Variants in GRHL2 observed in about 807,000 individuals in gnomAD.
GRHL2 encodes grainyhead-like protein 2 homolog.
A neutral mutation model predicts 83.8 loss-of-function variants in GRHL2; 21 were observed. The ratio of observed to expected loss-of-function variants is 0.25; its 90% CI spans 0.18 to 0.36. The LOEUF is 0.36. GRHL2 is among the 10% of genes least tolerant of loss of function. The pLI, the probability that GRHL2 is intolerant of heterozygous loss-of-function variation, is 1.00. For missense variants in GRHL2, 623 were observed against 781.8 expected (o/e 0.80, Z 2.42); for synonymous variants, 280 against 278.9 (o/e 1.00, Z -0.04).
At chr8:101,602,750 G>C (rs1429580584) in intron 8 of GRHL2, among the ~76,000 whole-genome samples, 1 of 152,174 alleles carries the variant, frequency 6.6e-6, no homozygotes, top group Admixed American at 6.5e-5. Flanking sequence ...TCCCTACCTA[G>C]CTTTGGCGAA....
chr8:101,652,129 A>C (rs2129704555), intron 14 of GRHL2, among the ~76,000 whole-genome samples: 1 of 152,242 alleles, frequency 6.6e-6, no homozygotes, highest in South Asian at 2.1e-4. Flanking sequence ...GGGTGGGGTA[A>C]GAAAGGGTTT....
chr8:101,622,670 T>C (rs574091475), intron 9 of GRHL2, among the ~76,000 whole-genome samples: 3 of 152,256 alleles, frequency 2.0e-5, no homozygotes, highest in Admixed American at 6.5e-5. Flanking sequence ...CAGTTCACTA[T>C]TGCCCAACAC....
intron 14 of GRHL2, among the ~76,000 whole-genome samples, 199 bp from the exon 15 acceptor site, chr8:101,664,255 G>A (rs1813993631): frequency 1.3e-5 from 2 of 152,170 alleles, no homozygotes; most frequent in Non-Finnish European, 2.9e-5. Context: ...ATTCCCATGA[G>A]GCTGGGTTTT....
At chr8:101,493,315 G>T (rs1159985665) in intron 1 of GRHL2, among the ~76,000 whole-genome samples, 1 of 152,176 alleles carries the variant, frequency 6.6e-6, no homozygotes, top group African/African-American at 2.4e-5. Flanking sequence ...GCAGGAGGGT[G>T]GGCGTGAGTG....
chr8:101,606,017 C>A (rs1355756583), intron 8 of GRHL2, among the ~76,000 whole-genome samples: 1 of 152,064 alleles, frequency 6.6e-6, no homozygotes, highest in African/African-American at 2.4e-5. Flanking sequence ...ATTCCTTGTT[C>A]TTTTTTTGAA....
chr8:101,538,065 T>A (rs997526465), intron 1 of GRHL2, among the ~76,000 whole-genome samples: 1 of 152,104 alleles, frequency 6.6e-6, no homozygotes, highest in Admixed American at 6.6e-5. Flanking sequence ...TAGAACGGGG[T>A]TTCCCATGAA....
At chr8:101,496,324 ACT>A (rs1366390341) in intron 1 of GRHL2, among the ~76,000 whole-genome samples, 9 of 151,900 alleles carry the variant, frequency 5.9e-5, no homozygotes, top group African/African-American at 2.2e-4. Flanking sequence ...TAATGGGATG[ACT>A]CTACATTTTA....
intron 9 of GRHL2, among the ~76,000 whole-genome samples, chr8:101,622,291 T>C (rs1812981660): frequency 6.6e-6 from 1 of 152,154 alleles, no homozygotes; most frequent in African/African-American, 2.4e-5. Context: ...CTTTGAAGTA[T>C]AAAGACTGCA....
chr8:101,580,011 G>A (rs1812017670), intron 7 of GRHL2, among the ~76,000 whole-genome samples: 1 of 152,138 alleles, frequency 6.6e-6, no homozygotes, highest in Non-Finnish European at 1.5e-5. Context: ...AAACCCCCGT[G>A]AAACTGGAGG....
chr8:101,558,294 C>A, intron 3 of GRHL2, 125 bp from the exon 4 acceptor site: 2 of 1,149,978 alleles, frequency 1.7e-6, no homozygotes, highest in Non-Finnish European at 2.6e-6. Context: ...GTGAAGTTTG[C>A]CAGCCCCCTG....
chr8:101,550,131 A>AT (rs535693192), intron 2 of GRHL2, among the ~76,000 whole-genome samples: 136 of 147,334 alleles, frequency 9.2e-4, no homozygotes, highest in African/African-American at 2.2e-3. Context: ...ATTTATTTTT[A>AT]TTTTTTTTAA....
intron 7 of GRHL2, among the ~76,000 whole-genome samples, chr8:101,589,284 T>G (rs542176322): frequency 6.6e-6 from 1 of 152,314 alleles, no homozygotes; most frequent in East Asian, 1.9e-4. Flanking sequence ...AGAGACAAAA[T>G]GGTTATAGTT....
chr8:101,523,462 T>C (rs1810733574), intron 1 of GRHL2, among the ~76,000 whole-genome samples: 1 of 129,920 alleles, frequency 7.7e-6, no homozygotes, highest in Admixed American at 9.0e-5. Context: ...TCCAGTACTT[T>C]TATATCCACT....
At chr8:101,523,041 C>T (rs1810722675) in intron 1 of GRHL2, among the ~76,000 whole-genome samples, 1 of 151,796 alleles carries the variant, frequency 6.6e-6, no homozygotes, top group Non-Finnish European at 1.5e-5. Context: ...TCCTGAGTAG[C>T]TGGGATTACA....
intron 1 of GRHL2, among the ~76,000 whole-genome samples, chr8:101,507,993 C>A (rs1006645880): frequency 4.8e-4 from 73 of 152,072 alleles, no homozygotes; most frequent in Non-Finnish European, 7.9e-4. Flanking sequence ...GCTATGTTGG[C>A]CAGGCTGGTC....
intron 4 of GRHL2, 146 bp from the exon 5 acceptor site, chr8:101,570,193 A>C: frequency 1.4e-6 from 1 of 703,594 alleles, no homozygotes; most frequent in Admixed American, 2.0e-5. Context: ...TTCTATGACT[A>C]CTTTTGCTGT....
chr8:101,506,461 A>G (rs931090859), intron 1 of GRHL2, among the ~76,000 whole-genome samples: 1 of 152,238 alleles, frequency 6.6e-6, no homozygotes, highest in African/African-American at 2.4e-5. Flanking sequence ...TCTTTTTTAC[A>G]TCATTCATGC....
intron 8 of GRHL2, 137 bp downstream of exon 8, chr8:101,599,288 A>G: frequency 4.3e-6 from 3 of 694,320 alleles, no homozygotes; most frequent in Non-Finnish European, 7.8e-6. Context: ...TGTGGAGGGT[A>G]AGGGAGAAAA....
At chr8:101,621,183 C>G (rs546283469) in intron 9 of GRHL2, among the ~76,000 whole-genome samples, 24 of 152,150 alleles carry the variant, frequency 1.6e-4, no homozygotes, top group African/African-American at 5.8e-4. Flanking sequence ...CAGTTGAATC[C>G]CATACAATGT....
Sources: allele counts gnomAD v4.1 joint callset (sites outside exome capture counted in the v4.1 genomes callset), GRCh38; gene constraint gnomAD v4.1.1; transcripts MANE v1.5; gene names NCBI Gene and HGNC (gene_info 2026-07-23, HGNC 2026-07-21).